Variants in NLGN1 observed in about 807,000 individuals in gnomAD.
NLGN1 encodes the protein neuroligin-1.
In NLGN1, 12 loss-of-function variants were observed where a neutral mutation model predicts 65.5. The ratio of observed to expected loss-of-function variants is 0.18; its 90% CI spans 0.12 to 0.30. The LOEUF is 0.30. NLGN1 is among the 10% of genes least tolerant of loss of function. The probability of loss-of-function intolerance (pLI) is 1.00; values close to 1 mark genes in which losing one functional copy is unlikely to be tolerated. For synonymous variants in NLGN1, 350 were observed against 359.5 expected, an observed-to-expected ratio of 0.97 and a Z score of 0.30; for missense variants, 750 against 1,007.1, an observed-to-expected ratio of 0.74 and a Z score of 3.46.
chr3:173,422,303 C>T (rs562827762), intron 1 of NLGN1, among the ~76,000 whole-genome samples: 7 of 152,140 alleles, frequency 4.6e-5, no homozygotes, highest in South Asian at 2.1e-4. Context: ...CTTACTCATA[C>T]GTGAGAGCTA....
chr3:174,191,751 G>A (rs1028502771), intron 4 of NLGN1, among the ~76,000 whole-genome samples: 1 of 151,996 alleles, frequency 6.6e-6, no homozygotes, highest in Non-Finnish European at 1.5e-5. Flanking sequence ...CAGGCTTCAG[G>A]GCTTAAACAT....
chr3:173,722,833 A>G (rs1038675245), intron 3 of NLGN1, among the ~76,000 whole-genome samples: 1 of 152,224 alleles, frequency 6.6e-6, no homozygotes, highest in Non-Finnish European at 1.5e-5. Flanking sequence ...AAATTTTAAG[A>G]GCATCTACTA....
intron 4 of NLGN1, among the ~76,000 whole-genome samples, chr3:174,173,619 T>C (rs944132378): frequency 4.6e-5 from 7 of 151,996 alleles, no homozygotes; most frequent in African/African-American, 1.7e-4. Flanking sequence ...ATGTATCACA[T>C]TGATTGATTT....
At chr3:173,453,859 G>A (rs1722063812) in intron 2 of NLGN1, among the ~76,000 whole-genome samples, 1 of 152,046 alleles carries the variant, frequency 6.6e-6, no homozygotes, top group African/African-American at 2.4e-5. Flanking sequence ...TCCCATGAAT[G>A]TTCTTATTGG....
chr3:174,043,712 G>A (rs1239265030), intron 4 of NLGN1, among the ~76,000 whole-genome samples: 1 of 152,212 alleles, frequency 6.6e-6, no homozygotes, highest in Non-Finnish European at 1.5e-5. Context: ...GGTTGGTGTT[G>A]AGTGTCTGTG....
At chr3:174,087,492 AC>A (rs1410597142) in intron 4 of NLGN1, among the ~76,000 whole-genome samples, 1 of 152,180 alleles carries the variant, frequency 6.6e-6, no homozygotes, top group African/African-American at 2.4e-5. Flanking sequence ...CAATTATACC[AC>A]GAAAGAAAAA....
chr3:173,823,242 T>G (rs1365720014), intron 4 of NLGN1, among the ~76,000 whole-genome samples: 1 of 152,068 alleles, frequency 6.6e-6, no homozygotes, highest in South Asian at 2.1e-4. Flanking sequence ...ATCCACCACC[T>G]ACTACTTTTG....
At chr3:173,471,612 T>TG (rs370679065) in intron 2 of NLGN1, among the ~76,000 whole-genome samples, 4 of 152,188 alleles carry the variant, frequency 2.6e-5, no homozygotes, top group African/African-American at 9.6e-5. Context: ...TCTGAGGTAC[T>TG]GGGGGGTTAG....
intron 4 of NLGN1, among the ~76,000 whole-genome samples, chr3:174,198,899 A>G (rs1379648045): frequency 2.5e-5 from 3 of 121,666 alleles, no homozygotes; most frequent in Non-Finnish European, 3.2e-5. Context: ...CCCAGGCTGG[A>G]GTGCAATGCA....
At chr3:173,720,596 CT>C (rs1770675129) in intron 3 of NLGN1, among the ~76,000 whole-genome samples, 1 of 152,114 alleles carries the variant, frequency 6.6e-6, no homozygotes, top group African/African-American at 2.4e-5. Flanking sequence ...TATACCATAC[CT>C]TATTAGTAAG....
At chr3:173,862,303 G>A (rs1230628063) in intron 4 of NLGN1, among the ~76,000 whole-genome samples, 5 of 151,122 alleles carry the variant, frequency 3.3e-5, no homozygotes, top group East Asian at 2.0e-4. Flanking sequence ...TCGGGAGATC[G>A]AGACCATCCC....
At chr3:173,534,395 C>T (rs530178684) in intron 2 of NLGN1, among the ~76,000 whole-genome samples, 8 of 152,184 alleles carry the variant, frequency 5.3e-5, no homozygotes, top group African/African-American at 1.9e-4. Flanking sequence ...TTAGGTTGCC[C>T]TTCATTCAAA....
At chr3:173,713,014 A>G (rs1245535880) in intron 3 of NLGN1, among the ~76,000 whole-genome samples, 5 of 152,108 alleles carry the variant, frequency 3.3e-5, no homozygotes, top group Non-Finnish European at 7.4e-5. Context: ...GGACAAATAG[A>G]CATTCTAAGA....
At chr3:174,288,145 CAT>C (rs1385439744), downstream of NLGN1, among the ~76,000 whole-genome samples, 2 of 151,498 alleles carry the variant, frequency 1.3e-5, no homozygotes, top group South Asian at 2.1e-4. Context: ...GTCTATTTCA[CAT>C]GTCTCAAAAT....
At chr3:173,585,534 A>G (rs1367798193) in intron 2 of NLGN1, among the ~76,000 whole-genome samples, 1 of 151,824 alleles carries the variant, frequency 6.6e-6, no homozygotes, top group Non-Finnish European at 1.5e-5. Flanking sequence ...ACCGGACACT[A>G]AAGGGTTACA....
At chr3:173,676,130 A>G (rs1763141205) in intron 3 of NLGN1, among the ~76,000 whole-genome samples, 1 of 152,048 alleles carries the variant, frequency 6.6e-6, no homozygotes, top group Non-Finnish European at 1.5e-5. Flanking sequence ...AATAATAATA[A>G]TAGTAGTAAT....
At chr3:173,668,796 G>A (rs1469824584) in intron 3 of NLGN1, among the ~76,000 whole-genome samples, 1 of 151,594 alleles carries the variant, frequency 6.6e-6, no homozygotes, top group Non-Finnish European at 1.5e-5. Context: ...GCTAATTTTT[G>A]TATTTTTAGT....
chr3:174,095,987 G>A (rs1414535305), intron 4 of NLGN1, among the ~76,000 whole-genome samples: 4 of 150,938 alleles, frequency 2.7e-5, no homozygotes, highest in Non-Finnish European at 4.4e-5. Flanking sequence ...GTGACAGAGC[G>A]AGACTCCATC....
At chr3:174,137,168 T>C (rs1028775163) in intron 4 of NLGN1, among the ~76,000 whole-genome samples, 5 of 152,104 alleles carry the variant, frequency 3.3e-5, no homozygotes, top group Non-Finnish European at 7.4e-5. Flanking sequence ...CATTGCAAAG[T>C]TGAAAAATCA....
Sources: gnomAD v4.1 joint callset for allele counts (sites outside exome capture counted in the v4.1 genomes callset) on GRCh38, gnomAD v4.1.1 for gene constraint, MANE v1.5 for transcripts, NCBI Gene and HGNC (gene_info 2026-07-23, HGNC 2026-07-21) for gene names.